TRIO: variants seen among roughly 807,000 people sequenced by gnomAD.
TRIO encodes the protein triple functional domain protein.
Under a neutral mutation model 351.9 loss-of-function variants are expected in TRIO, and 58 were observed. The ratio of observed to expected loss-of-function variants is 0.16; its 90% confidence interval spans 0.13 to 0.21. TRIO has a LOEUF of 0.21. TRIO is among the 10% of genes least tolerant of loss of function. TRIO has a pLI of 1.00. For synonymous variants in TRIO, 1,758 were observed against 1,595.7 expected, an observed-to-expected ratio of 1.10 and a Z score of -2.42; for missense variants, 3,201 against 4,027.8, an observed-to-expected ratio of 0.79 and a Z score of 5.56.
intron 1 of TRIO, among the ~76,000 whole-genome samples, chr5:14,256,733 A>G (rs1418045871): frequency 1.3e-5 from 2 of 152,252 alleles, no homozygotes; most frequent in East Asian, 3.9e-4. Flanking sequence ...GTTATTTACT[A>G]TAATGGCAAC....
chr5:14,181,425 C>G (rs567705598), intron 1 of TRIO, among the ~76,000 whole-genome samples: 1 of 152,322 alleles, frequency 6.6e-6, no homozygotes, highest in African/African-American at 2.4e-5. Context: ...TTGTTTCCTG[C>G]CTGGGGGGTC....
In TRIO at chr5:14,369,439, G is replaced by A. The variant is rs764660542; in HGVS notation, c.3132G>A (p.Ala1044=). Reference sequence around the variant, plus strand: ...GAGAAGAAGACTGGTGTGGCGGGGCGGATAAGCTGGGCCCAAACTCTGAGA... The same window carrying A: ...GAGAAGAAGACTGGTGTGGCGGGGCAGATAAGCTGGGCCCAAACTCTGAGA... ...YKREEDWCGG[A]DKLGPNSETD... Residue 1044 remains alanine, a synonymous_variant, in exon 18 of 57, where the codon GCG becomes GCA. Transcript: ENST00000344204. The A allele has an allele frequency of 1.3e-5, 21 of 1,613,984 alleles. No individual in the cohort carries two copies. The highest frequency in any genetic ancestry group is 3.3e-5 in the South Asian group (3 of 91,088).
In TRIO at chr5:14,387,766, G is replaced by C. The variant is rs1451621383; in HGVS notation, c.3800G>C (p.Ser1267Thr). The C allele has an allele frequency of 1.9e-6, 3 of 1,614,230 alleles. No individual in the cohort carries two copies. The highest frequency in any genetic ancestry group is 1.7e-5 in the Admixed American group (1 of 60,034). The part of the protein sequence containing the change: ...KSLQLDIIPA[S>T]IPGSEVKLRD... ...CTCCAGCTAGATATCATTCCAGCCA[G>C]TATCCCTGGCTCAGAGGTGAAACTT... Residue 1267 changes from serine (S) to threonine (T), a missense_variant, in exon 23 of 57, where the codon AGT becomes ACT. Physicochemically the swap from Ser to Thr is moderately conservative, Grantham distance 58. Coordinates refer to ENST00000344204, the MANE Select transcript of TRIO (RefSeq NM_007118.4).
rs2126636133 is a variant in TRIO, at chr5:14,487,701, C to T, written c.7073C>T (p.Ser2358Leu). ...CCCGTGCTGGTCTCCTCTGCAGCCT[C>T]GAGCCAGGCAGAGGCAGACAAGATG... ...HPPVLVSSAA[S>L]SQAEADKMSG... Residue 2358 changes from serine to leucine, a missense_variant, in exon 48 of 57, where the codon TCG (serine) becomes TTG (leucine). By Grantham distance (145) the Ser-to-Leu change is moderately radical. Coordinates refer to ENST00000344204, the MANE Select transcript of TRIO (RefSeq NM_007118.4). 6.9e-7 allele frequency: 1 copy of T among 1,441,120 alleles called. No homozygotes were observed. 89.3% of individuals were successfully genotyped at this position (1,441,120 alleles called of 1,614,324 possible). A position where few individuals can be genotyped will look rare whatever the true frequency, so the allele number is the denominator to read the frequency against.
At chr5:14,348,935 C>T (rs1041112702) in intron 11 of TRIO, among the ~76,000 whole-genome samples, 2 of 145,346 alleles carry the variant, frequency 1.4e-5, no homozygotes, top group African/African-American at 2.6e-5. Flanking sequence ...ATGTGTTTTT[C>T]CTGTATGTGT....
chr5:14,238,053 G>A lies in TRIO; in HGVS notation c.158-32772G>A, dbSNP rs1793884630. On this transcript the variant is annotated intron_variant, in intron 1 of 56. Coordinates refer to ENST00000344204, the MANE Select transcript of TRIO (RefSeq NM_007118.4). ...GTAGGAATTTTCCTTTTTACTTTTTGTGAATTTAAGTGATTATAATATTTA... is the reference window on the plus strand; with the variant it reads ...GTAGGAATTTTCCTTTTTACTTTTTATGAATTTAAGTGATTATAATATTTA... 2.0e-5 allele frequency among the ~76,000 whole-genome samples: 3 copies of A among 152,132 alleles called. No homozygotes were observed. The South Asian group carries it at 6.2e-4, about 32-fold the overall frequency.
At chr5:14,478,480 G>A (rs902583537) in intron 41 of TRIO, among the ~76,000 whole-genome samples, 5 of 152,082 alleles carry the variant, frequency 3.3e-5, no homozygotes, top group African/African-American at 1.2e-4. Context: ...GGGCCCTGGG[G>A]GTCTGCACAC....
At chr5:14,467,440 C>T (rs754915376) in intron 37 of TRIO, among the ~76,000 whole-genome samples, 5 of 152,170 alleles carry the variant, frequency 3.3e-5, no homozygotes, top group East Asian at 1.9e-4. Context: ...TGTGGTGTTC[C>T]GGAGAAGACC....
intron 9 of TRIO, among the ~76,000 whole-genome samples, chr5:14,327,945 G>A (rs1027246600): frequency 2.6e-5 from 4 of 152,192 alleles, no homozygotes; most frequent in African/African-American, 9.7e-5. Flanking sequence ...ACTCAGCAAC[G>A]CTTTGTCTGC....
chr5:14,489,094 G>T, intron 48 of TRIO: 1 of 764,346 alleles, frequency 1.3e-6, no homozygotes, highest in South Asian at 1.3e-5. Context: ...CTGTTCTAAT[G>T]AGTGTATGTT....
chr5:14,393,097 A>G (rs1440561024), intron 27 of TRIO, among the ~76,000 whole-genome samples: 11 of 151,888 alleles, frequency 7.2e-5, no homozygotes, highest in African/African-American at 2.7e-4. Context: ...CTTTGCAGGG[A>G]CATAGATGAA....
In TRIO at chr5:14,461,180, G is replaced by A. The variant is rs1005748704; in HGVS notation, c.5365G>A (p.Ala1789Thr). Residue 1789 changes from alanine (A) to threonine (T), a missense_variant, in exon 35 of 57, where the codon GCC becomes ACC. Around this residue, in one of 19 missense-constraint regions of TRIO, gnomAD observed 193 missense variants for 218.8 expected, o/e 0.88. Coordinates refer to ENST00000344204, the MANE Select transcript of TRIO (RefSeq NM_007118.4). ...CGTGCGGCGGCTCAGCAGCGGCAAG[G>A]CCGACGGGCACGTGAAGAAGCTGGC... ...SPVRRLSSGK[A>T]DGHVKKLAHK... 25 of 1,559,922 alleles carry A rather than the reference G, an allele frequency of 1.6e-5. No individual in the cohort carries two copies. The highest frequency in any genetic ancestry group is 2.1e-5 in the Non-Finnish European group (24 of 1,152,836).
intron 32 of TRIO, 85 bp downstream of exon 32, chr5:14,406,075 T>C: frequency 6.5e-7 from 1 of 1,532,212 alleles, no homozygotes; most frequent in Admixed American, 2.1e-5. Flanking sequence ...CAAAAATCCT[T>C]TCTCTCAAAC....
chr5:14,357,707 A>G (rs1378745796), intron 11 of TRIO, among the ~76,000 whole-genome samples: 1 of 151,964 alleles, frequency 6.6e-6, no homozygotes, highest in East Asian at 1.9e-4. Flanking sequence ...CACATTGTGC[A>G]CTTCCTTCTG....
chr5:14,202,258 CA>C (rs141546640), intron 1 of TRIO, among the ~76,000 whole-genome samples: 363 of 138,614 alleles, frequency 2.6e-3, no homozygotes, highest in African/African-American at 9.2e-3. Context: ...AACACAAATT[CA>C]TAAACTTTCT....
chr5:14,195,833 G>A lies in TRIO; in HGVS notation c.157+51951G>A, dbSNP rs529693926. Among the ~76,000 whole-genome samples, 10 of 152,262 alleles carry A rather than the reference G, an allele frequency of 6.6e-5. No individual in the cohort carries two copies. The South Asian group carries it at 8.3e-4, about 13-fold the overall frequency. On this transcript the variant is annotated intron_variant, in intron 1 of 56. Transcript: ENST00000344204. The stretch of plus-strand genomic sequence containing the variant: ...GGCCAGCGGGGACAGTTCAGGCTGT[G>A]CCTGGTCCTGTCTTTTTCCAAGCCC...
At chr5:14,496,843 A>G (rs1302428556) in intron 49 of TRIO, 36 bp from the exon 50 acceptor site, 1 of 1,604,034 alleles carries the variant, frequency 6.2e-7, no homozygotes. Flanking sequence ...GAATGTTGGA[A>G]AGGCATAATA....
chr5:14,483,615 TG>T (rs1188727518), intron 46 of TRIO, among the ~76,000 whole-genome samples: 1 of 152,128 alleles, frequency 6.6e-6, no homozygotes. Flanking sequence ...TGCCTAAACC[TG>T]GGGTGGGTCT....
rs898913320 is a variant in TRIO at position 14,278,343 on chromosome 5, G to A, written c.233-1979G>A. 1.3e-4 allele frequency among the ~76,000 whole-genome samples: 20 copies of A among 152,314 alleles called. 1 individual carries two copies. The highest frequency in any genetic ancestry group is 7.8e-4 in the Admixed American group (12 of 15,296). On this transcript the variant is annotated intron_variant, in intron 2 of 56. Transcript: ENST00000344204. ...ATTTTGGATTCTGCTTCTCACACCC[G>A]TGGTGGAGCATGCCTTGCTTGACTT... is the stretch of plus-strand genomic sequence containing the variant.
Sources: gnomAD v4.1 joint callset for allele counts (sites outside exome capture counted in the v4.1 genomes callset) on GRCh38, gnomAD v4.1.1 for gene constraint, gnomAD v4.1.1 regional missense constraint, MANE v1.5 for transcripts, NCBI Gene and HGNC (gene_info 2026-07-23, HGNC 2026-07-21) for gene names.